Variants in CUX1 observed in about 807,000 individuals in gnomAD.
CUX1 encodes the protein cut like homeobox 1.
CUX1 carries 31 observed loss-of-function variants against 158.8 expected under a neutral mutation model. That is an observed-to-expected ratio of 0.20 (90% CI 0.15 to 0.26). The LOEUF is 0.26. CUX1 is among the 10% of genes least tolerant of loss of function. The pLI, the probability that CUX1 is intolerant of heterozygous loss-of-function variation, is 1.00. For synonymous variants in CUX1, 879 were observed against 862.1 expected, an observed-to-expected ratio of 1.02 and a Z score of -0.34; for missense variants, 1,589 against 2,014.6, an observed-to-expected ratio of 0.79 and a Z score of 4.04.
At chr7:102,198,537 C>T (rs1490819196) in intron 15 of CUX1, among the ~76,000 whole-genome samples, 2 of 152,220 alleles carry the variant, frequency 1.3e-5, no homozygotes, top group Non-Finnish European at 2.9e-5. Context: ...AGGCAGTCCT[C>T]CCTCCCATGG....
At position 102,255,454 on chromosome 7, in the gene CUX1, T is replaced by G. The variant is rs552474615; in HGVS notation, c.*6412T>G. The G allele has an allele frequency of 4.5e-4, 439 of 985,030 alleles. 2 individuals carry two copies. In the African/African-American group the frequency reaches 6.9e-3, roughly 16 times the overall value. The allele number at this position is 985,030 out of a possible 1,614,324, so 61.0% of individuals were successfully genotyped here. ...CATTTGGCTATGCATAAATGTGCACTTCCCCCATGCCCCCGTTCTTAAACT... is the reference window on the plus strand; with the variant it reads ...CATTTGGCTATGCATAAATGTGCACGTCCCCCATGCCCCCGTTCTTAAACT... On this transcript the variant is annotated 3_prime_UTR_variant, in exon 24 of 24. Transcript: ENST00000292535.
At chr7:102,275,837 C>T (rs191904003) in intron 17 of CUX1, among the ~76,000 whole-genome samples, 17 of 151,916 alleles carry the variant, frequency 1.1e-4, no homozygotes, top group African/African-American at 3.9e-4. Flanking sequence ...GGTGAAACCC[C>T]GTCTCTACTA....
At chr7:101,900,143 A>G (rs1454539413) in intron 1 of CUX1, among the ~76,000 whole-genome samples, 1 of 152,186 alleles carries the variant, frequency 6.6e-6, no homozygotes, top group Non-Finnish European at 1.5e-5. Flanking sequence ...TGGGCAGCCC[A>G]TGAAGCAGCC....
chr7:102,174,839 A>T (rs1328069098), intron 10 of CUX1, among the ~76,000 whole-genome samples: 1 of 152,110 alleles, frequency 6.6e-6, no homozygotes, highest in Non-Finnish European at 1.5e-5. Flanking sequence ...AATCCCAACT[A>T]CTCAGGAGGC....
intron 19 of CUX1, 112 bp from the exon 20 acceptor site, chr7:102,205,002 G>T (rs1554520705): frequency 4.3e-6 from 3 of 690,690 alleles, no homozygotes; most frequent in Non-Finnish European, 2.5e-6. Context: ...CCCCATGCCC[G>T]CCCCTCCCCA....
rs529809256 is a variant in CUX1, at chr7:101,913,347, C to A, written c.31-2768C>A. On this transcript the variant is annotated intron_variant, in intron 1 of 23. Coordinates refer to ENST00000292535, the MANE Select transcript of CUX1 (RefSeq NM_181552.4). The stretch of plus-strand genomic sequence containing the variant: ...GCCGACCTGCATATGTCTGCGGGCA[C>A]GGGGAAGGGAGGGCCGCAGACCCCC... 17 of 1,262,198 alleles carry A rather than the reference C, an allele frequency of 1.3e-5. No homozygotes were observed. In the South Asian group the frequency reaches 2.0e-4, roughly 15 times the overall value. 78.2% of individuals were successfully genotyped at this position (1,262,198 alleles called of 1,614,324 possible).
rs1279598269 is a variant in CUX1, at chr7:102,193,843, A to C, written c.1078A>C (p.Ile360Leu). ...DYEEVKKELN[I>L]LKSMEFAPSE... ...AACCCCTCTGTTGTGCTCTTGCAGC[A>C]TTCTGAAGTCCATGGAGTTTGCACC... is the stretch of plus-strand genomic sequence containing the variant. The change falls in exon 13 of 24, where the codon ATT (isoleucine) becomes CTT (leucine). Residue 360 changes from isoleucine to leucine, a missense_variant and splice_region_variant. Physicochemically the swap from Ile to Leu is conservative, Grantham distance 5 (BLOSUM62 2). This residue lies in a region of CUX1 where 515 missense variants were observed against 574.4 expected (regional missense o/e 0.90). Coordinates refer to ENST00000292535, the MANE Select transcript of CUX1 (RefSeq NM_181552.4). The C allele has an allele frequency of 6.2e-7, 1 of 1,613,830 alleles. No homozygotes were observed. The highest frequency in any genetic ancestry group is 1.1e-5 in the South Asian group (1 of 91,052).
chr7:101,964,747 C>T (rs879417842), intron 2 of CUX1, among the ~76,000 whole-genome samples: 15 of 152,192 alleles, frequency 9.9e-5, no homozygotes, highest in East Asian at 1.9e-4. Flanking sequence ...TTCAGAGTTT[C>T]GAGGGACCAT....
Position 102,196,983 on chromosome 7 carries a change from A to T in CUX1, c.1572A>T (p.Gln524His). 3.1e-6 allele frequency: 5 copies of T among 1,614,210 alleles called. No homozygotes were observed. The highest frequency in any genetic ancestry group is 4.2e-6 in the Non-Finnish European group (5 of 1,180,044). ...CCATATCTTCCCAAAGTCCATTACAACAAAGCCCAGATGTCAATGGCATGG... is the reference window on the plus strand; with the variant it reads ...CCATATCTTCCCAAAGTCCATTACATCAAAGCCCAGATGTCAATGGCATGG... ...TNSISSQSPLQQSPDVNGMAP... is the reference protein window; with the variant it reads ...TNSISSQSPLHQSPDVNGMAP... Residue 524 changes from glutamine to histidine, a missense_variant, in exon 15 of 24, where the codon CAA becomes CAT. Transcript: ENST00000292535.
At chr7:102,209,175 C>T (rs1026048363) in intron 20 of CUX1, among the ~76,000 whole-genome samples, 1 of 152,188 alleles carries the variant, frequency 6.6e-6, no homozygotes, top group African/African-American at 2.4e-5. Context: ...CTTTTCCTGC[C>T]GGGCTCTGTT....
chr7:102,100,626 G>A (rs568112015), intron 5 of CUX1, among the ~76,000 whole-genome samples: 2 of 152,290 alleles, frequency 1.3e-5, no homozygotes, highest in South Asian at 2.1e-4. Context: ...GGTGGGCGGT[G>A]CACATCACTT....
Position 102,250,042 on chromosome 7 carries a change from A to C in CUX1, c.*1000A>C. 1.0e-6 allele frequency: 1 copy of C among 983,228 alleles called. No homozygotes were observed. Among genetic ancestry groups the C allele is most frequent in the Non-Finnish European group, 1.2e-6 (1 of 829,178 alleles). 60.9% of individuals were successfully genotyped at this position (983,228 alleles called of 1,614,324 possible). A position where few individuals can be genotyped will look rare whatever the true frequency, so the allele number is the denominator to read the frequency against. The stretch of plus-strand genomic sequence containing the variant: ...ACACTCCATTCTAGGCCAAATCAGG[A>C]CAAAAAAAAGAAAAAAAAAGAAAAA... On this transcript the variant is annotated 3_prime_UTR_variant, in exon 24 of 24. Transcript: ENST00000292535.
At chr7:101,915,374 G>A (rs1012790805) in intron 1 of CUX1, among the ~76,000 whole-genome samples, 11 of 152,118 alleles carry the variant, frequency 7.2e-5, no homozygotes, top group Non-Finnish European at 1.3e-4. Flanking sequence ...GCCCCCTAGC[G>A]GGTCCCTCAT....
In CUX1 at chr7:102,201,473, C is replaced by A; in HGVS notation, c.2176C>A (p.Pro726Thr). The A allele has an allele frequency of 6.2e-7, 1 of 1,614,146 alleles. No homozygotes were observed. The highest frequency in any genetic ancestry group is 8.5e-7 in the Non-Finnish European group (1 of 1,180,032). ...EMEAQQAALD[P>T]ALKQAPLSQS... is the part of the protein sequence containing the mutation. The stretch of plus-strand genomic sequence containing the variant: ...GGAGGCCCAGCAGGCTGCCCTCGAC[C>A]CTGCCTTAAAGCAGGCACCACTGTC... Residue 726 changes from proline (P) to threonine (T), a missense_variant, in exon 18 of 24, where the codon CCT (proline) becomes ACT (threonine). Around this residue, in one of 8 missense-constraint regions of CUX1, gnomAD observed 337 missense variants for 409.3 expected, o/e 0.82. Coordinates refer to ENST00000292535, the MANE Select transcript of CUX1 (RefSeq NM_181552.4). The surrounding 1 kb of genome is among the most constrained non-coding windows in gnomAD (Gnocchi z 5.0).
downstream of CUX1, among the ~76,000 whole-genome samples, chr7:102,259,788 A>C (rs1252965996): frequency 5.3e-5 from 8 of 150,468 alleles, no homozygotes; most frequent in Admixed American, 5.3e-4. Context: ...GAAGGAAAGG[A>C]AGGAAGAAAG....
intron 8 of CUX1, among the ~76,000 whole-genome samples, chr7:102,116,321 TG>T (rs1309980315): frequency 2.0e-5 from 3 of 152,208 alleles, no homozygotes; most frequent in Admixed American, 2.0e-4. Flanking sequence ...CTTCGTAGCC[TG>T]GTGGTCAGAA....
intron 1 of CUX1, among the ~76,000 whole-genome samples, chr7:101,873,928 T>C (rs926122009): frequency 6.6e-6 from 1 of 152,358 alleles, no homozygotes; most frequent in Admixed American, 6.5e-5. Flanking sequence ...TGCCTCTGTT[T>C]CTATTCAGTA....
At chr7:102,043,559 C>T (rs769568721) in intron 3 of CUX1, among the ~76,000 whole-genome samples, 11 of 152,030 alleles carry the variant, frequency 7.2e-5, no homozygotes, top group Non-Finnish European at 1.6e-4. Context: ...GGGGTCCTAG[C>T]ACCAATCTCC....
At chr7:102,075,638 T>C (rs991182238) in intron 4 of CUX1, among the ~76,000 whole-genome samples, 3 of 152,220 alleles carry the variant, frequency 2.0e-5, no homozygotes, top group Admixed American at 6.5e-5. Flanking sequence ...CTCAGGCTCC[T>C]ACTGTTCCCA....
Sources: allele counts gnomAD v4.1 joint callset (sites outside exome capture counted in the v4.1 genomes callset), GRCh38; gene constraint gnomAD v4.1.1; regional missense constraint gnomAD v4.1.1; non-coding constraint Gnocchi (gnomAD v3.1); transcripts MANE v1.5; gene names NCBI Gene and HGNC (gene_info 2026-07-23, HGNC 2026-07-21).